WDR7: variants seen among roughly 807,000 people sequenced by gnomAD.
The protein encoded by WDR7 is WD repeat-containing protein 7.
WDR7 carries 46 observed loss-of-function variants against 169.4 expected under a neutral mutation model. The observed-to-expected ratio is 0.27, with a 90% CI of 0.21 to 0.35. The LOEUF (loss-of-function observed/expected upper bound fraction) is 0.35, where lower values mean the gene tolerates loss of function less well. Ranked by LOEUF, WDR7 falls within the 10% of genes least tolerant of loss-of-function variation. WDR7 has a pLI of 1.00. For missense variants in WDR7, 1,534 were observed against 1,859.3 expected (o/e 0.83, Z 3.22); for synonymous variants, 612 against 666.8 (o/e 0.92, Z 1.27).
At chr18:56,974,023 G>A (rs1471543377) in intron 26 of WDR7, among the ~76,000 whole-genome samples, 1 of 152,146 alleles carries the variant, frequency 6.6e-6, no homozygotes. Context: ...TGTCTCCATT[G>A]TTGGTCCATT....
At chr18:56,835,257 T>C (rs1262914446) in intron 20 of WDR7, among the ~76,000 whole-genome samples, 1 of 152,220 alleles carries the variant, frequency 6.6e-6, no homozygotes, top group African/African-American at 2.4e-5. Flanking sequence ...AAGGATTCAC[T>C]AATTCTTCAT....
At chr18:56,800,036 T>G (rs1329678437) in intron 19 of WDR7, among the ~76,000 whole-genome samples, 1 of 152,158 alleles carries the variant, frequency 6.6e-6, no homozygotes, top group Admixed American at 6.5e-5. Context: ...CTTTGCTATG[T>G]TTTTATTTGT....
rs193005284 is a variant in WDR7 at position 56,791,695 on chromosome 18, A to G, written c.3190+10039A>G. On this transcript the variant is annotated intron_variant, in intron 19 of 27. Coordinates refer to ENST00000254442, the MANE Select transcript of WDR7 (RefSeq NM_015285.3). The stretch of plus-strand genomic sequence containing the variant: ...TACTTAGGGTTTAAAGTAACCACAT[A>G]GTCTCAGATGTCACCTATTTTAAAG... Among the ~76,000 whole-genome samples the G allele has an allele frequency of 6.0e-4, 91 of 152,340 alleles. 1 individual carries two copies. Among genetic ancestry groups the G allele is most frequent in the Admixed American group, 4.9e-3 (75 of 15,310 alleles).
At chr18:56,926,016 A>G (rs1270529664) in intron 22 of WDR7, among the ~76,000 whole-genome samples, 2 of 152,216 alleles carry the variant, frequency 1.3e-5, no homozygotes, top group Non-Finnish European at 1.5e-5. Flanking sequence ...ATGTCTTCCT[A>G]TGTGGCAGAA....
intron 20 of WDR7, among the ~76,000 whole-genome samples, chr18:56,829,120 CA>C (rs34184203): frequency 2.8e-3 from 305 of 109,258 alleles, no homozygotes; most frequent in East Asian, 7.6e-3. Flanking sequence ...TTCACCTCTC[CA>C]AAAAAAAAAA....
intron 26 of WDR7, among the ~76,000 whole-genome samples, chr18:56,972,453 A>G (rs2047502179): frequency 6.6e-6 from 1 of 152,152 alleles, no homozygotes; most frequent in Non-Finnish European, 1.5e-5. Flanking sequence ...TTGCAGTGAG[A>G]ATTGACTACA....
intron 26 of WDR7, among the ~76,000 whole-genome samples, chr18:56,992,959 T>G (rs1202524898): frequency 6.6e-6 from 1 of 152,210 alleles, no homozygotes; most frequent in African/African-American, 2.4e-5. Flanking sequence ...TAATGATCCT[T>G]GCTGATTCAA....
At chr18:57,019,768 A>G (rs970536976) in intron 26 of WDR7, among the ~76,000 whole-genome samples, 1 of 152,118 alleles carries the variant, frequency 6.6e-6, no homozygotes, top group African/African-American at 2.4e-5. Flanking sequence ...AGGGCTCACA[A>G]TTCTTTATCA....
At chr18:56,893,813 G>A (rs2046296309) in intron 21 of WDR7, among the ~76,000 whole-genome samples, 1 of 152,110 alleles carries the variant, frequency 6.6e-6, no homozygotes, top group South Asian at 2.1e-4. Flanking sequence ...CAGCAGAACT[G>A]ATTTGTGCAT....
Position 56,963,752 on chromosome 18 carries a change from T to C in WDR7, c.4164+1223T>C, listed in dbSNP as rs1002329099. ...TACTGTGGGCCCTCACTGAGAACAATGAAAACACTCTGAATACTTGTTTAA... is the reference window on the plus strand; with the variant it reads ...TACTGTGGGCCCTCACTGAGAACAACGAAAACACTCTGAATACTTGTTTAA... On this transcript the variant is annotated intron_variant, in intron 26 of 27. Coordinates refer to ENST00000254442, the MANE Select transcript of WDR7 (RefSeq NM_015285.3). Among the ~76,000 whole-genome samples the C allele has an allele frequency of 3.9e-5, 6 of 152,164 alleles. 1 individual carries two copies. Among genetic ancestry groups the C allele is most frequent in the Non-Finnish European group, 5.9e-5 (4 of 68,010 alleles).
At chr18:56,979,071 G>A (rs1171980612) in intron 26 of WDR7, among the ~76,000 whole-genome samples, 3 of 152,126 alleles carry the variant, frequency 2.0e-5, no homozygotes, top group African/African-American at 7.2e-5. Flanking sequence ...AAAAGGCAAT[G>A]TAGCAACAGC....
intron 13 of WDR7, among the ~76,000 whole-genome samples, chr18:56,721,050 A>G (rs2026309192): frequency 6.6e-6 from 1 of 151,946 alleles, no homozygotes; most frequent in Non-Finnish European, 1.5e-5. Flanking sequence ...TTTATTTATT[A>G]AATAAATAAA....
chr18:56,770,859 G>A (rs1034842041), intron 16 of WDR7, among the ~76,000 whole-genome samples: 2 of 151,952 alleles, frequency 1.3e-5, no homozygotes, highest in Non-Finnish European at 2.9e-5. Flanking sequence ...AACGTGTTCA[G>A]TTGGTGGTTT....
chr18:56,983,032 C>A (rs769360307), intron 26 of WDR7, among the ~76,000 whole-genome samples: 21 of 152,284 alleles, frequency 1.4e-4, no homozygotes, highest in Non-Finnish European at 2.5e-4. Flanking sequence ...GCAAGCTGAT[C>A]TCAACCAGAT....
rs2026527753 is a variant in WDR7, at chr18:56,729,165, A to G, written c.1775-2218A>G. Among the ~76,000 whole-genome samples the G allele has an allele frequency of 2.6e-5, 4 of 152,314 alleles. No individual in the cohort carries two copies. The South Asian group carries it at 8.3e-4, about 32-fold the overall frequency. Reference sequence around the variant, plus strand: ...CCTTTCCATTATAACTACAAACTACATTTAATGGAGAATTAAGAGCTAGAG... The same window carrying G: ...CCTTTCCATTATAACTACAAACTACGTTTAATGGAGAATTAAGAGCTAGAG... On this transcript the variant is annotated intron_variant, in intron 13 of 27. Coordinates refer to ENST00000254442, the MANE Select transcript of WDR7 (RefSeq NM_015285.3).
intron 20 of WDR7, among the ~76,000 whole-genome samples, chr18:56,840,044 AGT>A (rs2045457669): frequency 6.6e-6 from 1 of 152,194 alleles, no homozygotes; most frequent in Non-Finnish European, 1.5e-5. Context: ...CTCTGACGAC[AGT>A]GTGAGATTCC....
In WDR7 at chr18:56,946,221, C is replaced by T. The variant is rs554724627; in HGVS notation, c.4064+6828C>T. On this transcript the variant is annotated intron_variant, in intron 25 of 27. Transcript: ENST00000254442. ...TTGGCCTAGGCTGTCTGTTCTCCTC[C>T]GGGGTTTCCTTGCCCATGTTCCTCT... Among the ~76,000 whole-genome samples the T allele has an allele frequency of 1.6e-4, 24 of 152,300 alleles. No individual in the cohort carries two copies. The South Asian group carries it at 2.3e-3, about 14-fold the overall frequency.
At chr18:56,783,129 G>C (rs2145079799) in intron 19 of WDR7, among the ~76,000 whole-genome samples, 1 of 146,250 alleles carries the variant, frequency 6.8e-6, no homozygotes, top group Non-Finnish European at 1.5e-5. Context: ...TTGCTTTCTG[G>C]AAATTTTTCT....
chr18:56,695,949 A>G (rs1260631123), intron 11 of WDR7, among the ~76,000 whole-genome samples: 1 of 152,214 alleles, frequency 6.6e-6, no homozygotes, highest in Non-Finnish European at 1.5e-5. Context: ...ACTTCTAATC[A>G]ATATGAAGAT....
Sources: allele counts gnomAD v4.1 joint callset (sites outside exome capture counted in the v4.1 genomes callset), GRCh38; gene constraint gnomAD v4.1.1; transcripts MANE v1.5; gene names NCBI Gene and HGNC (gene_info 2026-07-23, HGNC 2026-07-21).